NDOR1: variants seen among roughly 807,000 people sequenced by gnomAD.
NDOR1 encodes NADPH dependent diflavin oxidoreductase 1.
In NDOR1, 61 loss-of-function variants were observed where a neutral mutation model predicts 67.2. The observed-to-expected ratio is 0.91, with a 90% confidence interval of 0.74 to 1.12. The LOEUF is 1.12. Among genes scored for constraint, NDOR1 ranks in the 50% most tolerant of loss-of-function variants. The pLI is 0.00. For missense variants in NDOR1, 878 were observed against 802.8 expected (o/e 1.09, Z -1.13); for synonymous variants, 378 against 343.7 (o/e 1.10, Z -1.10).
rs201786404 is a variant in NDOR1, at chr9:137,216,350, G to T, written c.1728G>T (p.Pro576=). The T allele has an allele frequency of 2.5e-6, 4 of 1,609,722 alleles. 1 individual carries two copies. The highest frequency in any genetic ancestry group is 3.4e-6 in the Non-Finnish European group (4 of 1,179,936). ...IFQEEGGLCS[P]DAAAYLARLQ... ...AGGAGGAGGGTGGACTCTGCAGCCCGGACGCAGCCGCGTATCTAGCCAGGC... is the reference window on the plus strand; with the variant it reads ...AGGAGGAGGGTGGACTCTGCAGCCCTGACGCAGCCGCGTATCTAGCCAGGC... The change falls in exon 14 of 14, where the codon CCG becomes CCT. Residue 576 remains proline, a synonymous_variant. Transcript: ENST00000684003.
At chr9:137,208,870 TTTG>T (rs373421878) in intron 2 of NDOR1, among the ~76,000 whole-genome samples, 38 of 150,500 alleles carry the variant, frequency 2.5e-4, no homozygotes, top group African/African-American at 7.1e-4. Flanking sequence ...TTTGTTGTTG[TTTG>T]TTGTTGTTGT....
intron 2 of NDOR1, among the ~76,000 whole-genome samples, chr9:137,207,390 G>A (rs1835022813): frequency 6.6e-6 from 1 of 151,942 alleles, no homozygotes; most frequent in Admixed American, 6.6e-5. Flanking sequence ...AGAAATCAGA[G>A]AACACGGTGG....
rs1835300852 is a variant in NDOR1, at chr9:137,212,354, G to A, written c.214-148G>A. 2.9e-6 allele frequency: 2 copies of A among 680,628 alleles called. No homozygotes were observed. The highest frequency in any genetic ancestry group is 4.4e-5 in the Admixed American group (2 of 45,200). 42.2% of individuals were successfully genotyped at this position (680,628 alleles called of 1,614,324 possible). ...GCCCATCATCCTGCAGGCTGGACCT[G>A]GGCCCTGCCTTTTGGTCAGATAGGT... is the stretch of plus-strand genomic sequence containing the variant. On this transcript the variant is annotated intron_variant, in intron 2 of 13. Coordinates refer to ENST00000684003, the MANE Select transcript of NDOR1 (RefSeq NM_014434.4). This position sits in a 1 kb window ranked among gnomAD's most constrained non-coding sequence, Gnocchi z 4.3.
At chr9:137,214,479 G>A (rs937909292) in intron 6 of NDOR1, 66 bp downstream of exon 6, 1 of 1,610,172 alleles carries the variant, frequency 6.2e-7, no homozygotes, top group East Asian at 2.2e-5. Context: ...TTCGGAGGAG[G>A]CTGGGCCGGG....
intron 9 of NDOR1, 38 bp downstream of exon 9, chr9:137,215,240 G>A (rs1202436923): frequency 6.3e-7 from 1 of 1,589,656 alleles, no homozygotes; most frequent in Non-Finnish European, 8.6e-7. Flanking sequence ...GACCGGCCCT[G>A]GGAAAGCTGG....
At chr9:137,207,638 G>C (rs979868943) in intron 2 of NDOR1, among the ~76,000 whole-genome samples, 6 of 152,234 alleles carry the variant, frequency 3.9e-5, no homozygotes, top group African/African-American at 1.4e-4. Flanking sequence ...CCCAAGGAGA[G>C]GACTGGGGGA....
rs1835537664 is a variant in NDOR1, at chr9:137,215,672, G to T, written c.1302G>T (p.Val434=). The T allele has an allele frequency of 4.5e-6, 7 of 1,570,608 alleles. No individual in the cohort carries two copies. Among genetic ancestry groups the T allele is most frequent in the Non-Finnish European group, 5.2e-6 (6 of 1,157,770 alleles). ...TTCCTGCAATAGGACCTGTCCGGGTGCCCCTCTGGGTGCGGCCTGGGAGTC... is the reference window on the plus strand; with the variant it reads ...TTCCTGCAATAGGACCTGTCCGGGTTCCCCTCTGGGTGCGGCCTGGGAGTC... ...SLDPGQGPVR[V]PLWVRPGSLA... is the part of the protein sequence containing the mutation. Residue 434 remains valine, a synonymous_variant, in exon 11 of 14, where the codon GTG becomes GTT. Transcript: ENST00000684003.
intron 2 of NDOR1, among the ~76,000 whole-genome samples, chr9:137,207,281 A>G (rs1288650288): frequency 6.6e-6 from 1 of 151,922 alleles, no homozygotes; most frequent in East Asian, 1.9e-4. Flanking sequence ...GGTGTCAGGA[A>G]GAGAGAGTCC....
chr9:137,217,613 A>T lies in NDOR1; in HGVS notation c.*1197A>T. ...GCTGGGGACAGCACCGCGTGGGCCC[A>T]GGATCCACCCAGAGCAGGCAGGCCT... is the stretch of plus-strand genomic sequence containing the variant. On this transcript the variant is annotated 3_prime_UTR_variant, in exon 14 of 14. Coordinates refer to ENST00000684003, the MANE Select transcript of NDOR1 (RefSeq NM_014434.4). 5.3e-6 allele frequency: 1 copy of T among 187,062 alleles called. No individual in the cohort carries two copies. Among genetic ancestry groups the T allele is most frequent in the African/African-American group, 2.3e-5 (1 of 42,910 alleles). The allele number at this position is 187,062 out of a possible 1,614,324, so 11.6% of individuals were successfully genotyped here.
Position 137,214,573 on chromosome 9 carries a change from T to C in NDOR1, c.726T>C (p.Phe242=). 1.2e-6 allele frequency: 2 copies of C among 1,611,544 alleles called. No homozygotes were observed. The highest frequency in any genetic ancestry group is 1.1e-5 in the South Asian group (1 of 91,076). ...CCTGGTGGCTTCTTCCACACAGCTT[T>C]GCTGCTGGTGATGTGGTGCTGATTC... is the stretch of plus-strand genomic sequence containing the variant. ...EFDILGSGIS[F]AAGDVVLIQP... Residue 242 remains phenylalanine (F), a synonymous_variant, in exon 7 of 14, where the codon TTT becomes TTC. Coordinates refer to ENST00000684003, the MANE Select transcript of NDOR1 (RefSeq NM_014434.4).
chr9:137,206,182 G>T lies in NDOR1; in HGVS notation c.136-50G>T, dbSNP rs188093771. The T allele has an allele frequency of 9.9e-5, 158 of 1,602,582 alleles. No homozygotes were observed. The East Asian group carries it at 2.2e-3, about 22-fold the overall frequency. ...AAGGGGGTCAAGTTTTGGGAAGGACGCCCGGTCCTTACAGCCGGAGGTCTT... is the reference window on the plus strand; with the variant it reads ...AAGGGGGTCAAGTTTTGGGAAGGACTCCCGGTCCTTACAGCCGGAGGTCTT... On this transcript the variant is annotated intron_variant, in intron 1 of 13. Transcript: ENST00000684003.
chr9:137,213,463 G>A (rs895109056), intron 3 of NDOR1, among the ~76,000 whole-genome samples: 1 of 152,166 alleles, frequency 6.6e-6, no homozygotes, highest in Non-Finnish European at 1.5e-5. Context: ...GGCCTCAGCT[G>A]CCTCAAGTCC....
chr9:137,214,749 C>A (rs771189542), intron 7 of NDOR1, 49 bp from the exon 8 acceptor site: 4 of 1,596,458 alleles, frequency 2.5e-6, no homozygotes, highest in East Asian at 2.2e-5. Context: ...TGGGCCCCCA[C>A]CCCAAGGGCT....
At chr9:137,215,625 T>C (rs1225648694) in intron 10 of NDOR1, 34 bp from the exon 11 acceptor site, 12 of 1,588,542 alleles carry the variant, frequency 7.6e-6, no homozygotes, top group Middle Eastern at 3.4e-4. Flanking sequence ...CACAGGTCTT[T>C]GATCCTCTTC....
rs750877653 is a variant in NDOR1 at position 137,205,730 on chromosome 9, A to G, written c.-48A>G. ...GGTCCCTGCAACCCGGCCGGCGGGA[A>G]CTGCCTTCTAGTTTTTAGTCTCAGA... On this transcript the variant is annotated 5_prime_UTR_variant, in exon 1 of 14. Coordinates refer to ENST00000684003, the MANE Select transcript of NDOR1 (RefSeq NM_014434.4). 13 of 1,597,522 alleles carry G rather than the reference A, an allele frequency of 8.1e-6. No individual in the cohort carries two copies. The highest frequency in any genetic ancestry group is 2.2e-5 in the South Asian group (2 of 91,026).
In NDOR1 at chr9:137,212,536, C is replaced by CCT. The variant is rs1316602540; in HGVS notation, c.250_251dup (p.Thr85ProfsTer111). The CCT allele has an allele frequency of 1.9e-6, 3 of 1,613,998 alleles. No individual in the cohort carries two copies. In the African/African-American group the frequency reaches 4.0e-5, roughly 22 times the overall value. On this transcript the variant is annotated frameshift_variant, in exon 3 of 14. Transcript: ENST00000684003. LOFTEE classifies it high-confidence loss of function. The surrounding 1 kb of genome is among the most constrained non-coding windows in gnomAD (Gnocchi z 4.3). ...AGGTTTATATTCCGGAAGAACCTGC[C>CCT]CTCCACTGCCCTCTGTCAGATGGAC...
rs755634805 is a variant in NDOR1, at chr9:137,215,943, T to C, written c.1480T>C (p.Tyr494His). The C allele has an allele frequency of 1.2e-6, 2 of 1,613,748 alleles. No homozygotes were observed. Among genetic ancestry groups the C allele is most frequent in the Admixed American group, 3.3e-5 (2 of 60,036 alleles). Residue 494 changes from tyrosine (Y) to histidine (H), a missense_variant, in exon 12 of 14, where the codon TAC becomes CAC. Coordinates refer to ENST00000684003, the MANE Select transcript of NDOR1 (RefSeq NM_014434.4). ...FGCRWRDQDF[Y>H]WEAEWQELEK... ...CTGCCGCTGGCGGGACCAAGACTTC[T>C]ACTGGGAGGCTGAGTGGCAGGAGCT...
In NDOR1 at chr9:137,212,588, C is replaced by G. The variant is rs760833162; in HGVS notation, c.300C>G (p.Ser100=). 1.2e-6 allele frequency: 2 copies of G among 1,613,734 alleles called. No homozygotes were observed. The highest frequency in any genetic ancestry group is 4.5e-5 in the East Asian group (2 of 44,882). The change falls in exon 3 of 14, where the codon TCC becomes TCG. Residue 100 remains serine, a synonymous_variant. Coordinates refer to ENST00000684003, the MANE Select transcript of NDOR1 (RefSeq NM_014434.4). This position sits in a 1 kb window ranked among gnomAD's most constrained non-coding sequence, Gnocchi z 4.3. The part of the protein sequence containing the change: ...MDFAVLGLGD[S]SYAKFNFVAK... ...TTGCCGTCCTGGGCCTCGGGGACTC[C>G]TCATACGCCAAGTGAGTAGGGGATG...
In NDOR1 at chr9:137,215,915, T is replaced by G. The variant is rs1588817066; in HGVS notation, c.1452T>G (p.Phe484Leu). 6.2e-7 allele frequency: 1 copy of G among 1,613,574 alleles called. No individual in the cohort carries two copies. Among genetic ancestry groups the G allele is most frequent in the Non-Finnish European group, 8.5e-7 (1 of 1,179,998 alleles). ...AQGQTGNFLF[F>L]GCRWRDQDFY... ...TTTCCCTAGGAAACTTCTTGTTTTTTGGCTGCCGCTGGCGGGACCAAGACT... is the reference window on the plus strand; with the variant it reads ...TTTCCCTAGGAAACTTCTTGTTTTTGGGCTGCCGCTGGCGGGACCAAGACT... The change falls in exon 12 of 14, where the codon TTT becomes TTG. Residue 484 changes from phenylalanine (F) to leucine (L), a missense_variant. Physicochemically the swap from Phe to Leu is conservative, Grantham distance 22. Coordinates refer to ENST00000684003, the MANE Select transcript of NDOR1 (RefSeq NM_014434.4).
Sources: allele counts gnomAD v4.1 joint callset (sites outside exome capture counted in the v4.1 genomes callset), GRCh38; gene constraint gnomAD v4.1.1; non-coding constraint Gnocchi (gnomAD v3.1); transcripts MANE v1.5; gene names NCBI Gene and HGNC (gene_info 2026-07-23, HGNC 2026-07-21).